FOXN1: variants seen among roughly 807,000 people sequenced by gnomAD.
The protein encoded by FOXN1 is forkhead box N1.
In FOXN1, 15 loss-of-function variants were observed where a neutral mutation model predicts 49.0. That is an observed-to-expected ratio of 0.31 (90% CI 0.20 to 0.47). The LOEUF (loss-of-function observed/expected upper bound fraction) is 0.47. FOXN1 is among the 20% of genes least tolerant of loss of function. The pLI is 1.00. For synonymous variants in FOXN1, 356 were observed against 369.0 expected, an observed-to-expected ratio of 0.96 and a Z score of 0.40; for missense variants, 800 against 842.8, an observed-to-expected ratio of 0.95 and a Z score of 0.63.
chr17:28,520,071 A>G (rs1567875263), intron 1 of FOXN1, among the ~76,000 whole-genome samples: 1 of 152,216 alleles, frequency 6.6e-6, no homozygotes. Context: ...AGAGGTAAGT[A>G]TTTATTAGTC....
intron 3 of FOXN1, 100 bp from the exon 4 acceptor site, chr17:28,527,151 G>T: frequency 2.6e-6 from 2 of 774,246 alleles, no homozygotes; most frequent in Non-Finnish European, 4.6e-6. Flanking sequence ...AGCTTTGGGG[G>T]AAGCAGAATA....
chr17:28,519,056 G>A (rs905151551), intron 1 of FOXN1, among the ~76,000 whole-genome samples: 5 of 152,352 alleles, frequency 3.3e-5, no homozygotes, highest in African/African-American at 7.2e-5. Flanking sequence ...CACTGGATAT[G>A]GAGTTGGGAA....
At chr17:28,532,611 A>AT (rs1306560758) in intron 6 of FOXN1, among the ~76,000 whole-genome samples, 1 of 152,182 alleles carries the variant, frequency 6.6e-6, no homozygotes, top group Admixed American at 6.5e-5. Flanking sequence ...TAGTTCAAAG[A>AT]TCCCCCACCT....
In FOXN1 at chr17:28,537,142, T is replaced by C. The variant is rs2070087038; in HGVS notation, c.1653T>C (p.Asp551=). Residue 551 remains aspartate (D), a synonymous_variant, in exon 9 of 9, where the codon GAT becomes GAC. Coordinates refer to ENST00000579795, the MANE Select transcript of FOXN1 (RefSeq NM_001369369.1). ...GAAACCTGTGGGAACAGTTGAAGGA[T>C]GATAGCTTGGCCCTCGACCCCCTGG... ...FQGNLWEQLK[D]DSLALDPLVL... 1 of 1,613,964 alleles carries C rather than the reference T, an allele frequency of 6.2e-7. No individual in the cohort carries two copies. Among genetic ancestry groups the C allele is most frequent in the African/African-American group, 1.3e-5 (1 of 74,896 alleles).
At chr17:28,516,048 C>A (rs1298916802) in intron 1 of FOXN1, among the ~76,000 whole-genome samples, 1 of 151,782 alleles carries the variant, frequency 6.6e-6, no homozygotes, top group Non-Finnish European at 1.5e-5. Context: ...GGATCCATAA[C>A]TCCACAGGAT....
rs1050315288 is a variant in FOXN1, at chr17:28,527,138, A to G, written c.589-113A>G. 6.7e-6 allele frequency: 5 copies of G among 744,598 alleles called. No individual in the cohort carries two copies. The African/African-American group carries it at 8.7e-5, about 13-fold the overall frequency. The allele number at this position is 744,598 out of a possible 1,614,324, so 46.1% of individuals were successfully genotyped here. On this transcript the variant is annotated intron_variant, in intron 3 of 8. Transcript: ENST00000579795. The stretch of plus-strand genomic sequence containing the variant: ...CTCTGTTCTCTGTTGTTCTCCAGGA[A>G]TAAGCTTTGGGGGAAGCAGAATAGG...
rs1225507678 is a variant in FOXN1, at chr17:28,534,286, C to T, written c.928-45C>T. The T allele has an allele frequency of 6.2e-7, 1 of 1,613,798 alleles. No homozygotes were observed. The highest frequency in any genetic ancestry group is 1.1e-5 in the South Asian group (1 of 91,044). On this transcript the variant is annotated intron_variant, in intron 6 of 8. Coordinates refer to ENST00000579795, the MANE Select transcript of FOXN1 (RefSeq NM_001369369.1). The surrounding 1 kb of genome is among the most constrained non-coding windows in gnomAD (Gnocchi z 4.1). ...AACCCAGACCTGAAGCCCGCTCTGG[C>T]TTCCTGAGCCTGGCCTGAATGCTTG...
chr17:28,518,837 G>A (rs371157152), intron 1 of FOXN1, among the ~76,000 whole-genome samples: 2 of 152,122 alleles, frequency 1.3e-5, no homozygotes, highest in East Asian at 1.9e-4. Context: ...GTAACCCTGC[G>A]CAGGTCATTT....
At chr17:28,525,079 G>C (rs2069737600) in intron 3 of FOXN1, 112 bp downstream of exon 3, 1 of 882,286 alleles carries the variant, frequency 1.1e-6, no homozygotes, top group Non-Finnish European at 1.8e-6. Flanking sequence ...TGCAGACCTT[G>C]CCACTCAAGA....
At chr17:28,530,256 C>G (rs1399588746) in intron 5 of FOXN1, among the ~76,000 whole-genome samples, 1 of 152,166 alleles carries the variant, frequency 6.6e-6, no homozygotes, top group Non-Finnish European at 1.5e-5. Context: ...GCAGTTCAGG[C>G]TGTTGGAAGG....
chr17:28,510,560 ACACACACACG>A (rs1422383780), intron 1 of FOXN1, among the ~76,000 whole-genome samples: 7 of 141,732 alleles, frequency 4.9e-5, no homozygotes, highest in South Asian at 2.2e-4. Flanking sequence ...GGAAGGACAC[ACACACACACG>A]CACACACACG....
chr17:28,524,144 A>G, intron 2 of FOXN1, 52 bp downstream of exon 2: 1 of 1,531,782 alleles, frequency 6.5e-7, no homozygotes, highest in Non-Finnish European at 8.8e-7. Flanking sequence ...GCGGCTGCCC[A>G]GGCAACAAGA....
At chr17:28,523,783 G>T (rs1196646936) in intron 1 of FOXN1, among the ~76,000 whole-genome samples, 173 bp from the exon 2 acceptor site, 1 of 134,308 alleles carries the variant, frequency 7.4e-6, no homozygotes, top group South Asian at 2.4e-4. Context: ...TCTCTCTCTC[G>T]CTCTCTGGTT....
At chr17:28,535,826 T>G (rs2070049967) in intron 8 of FOXN1, among the ~76,000 whole-genome samples, 1 of 152,210 alleles carries the variant, frequency 6.6e-6, no homozygotes, top group Non-Finnish European at 1.5e-5. Context: ...CGATTGTGAG[T>G]GACCAGTAGT....
Position 28,530,823 on chromosome 17 carries a change from C to G in FOXN1, c.905C>G (p.Thr302Arg), listed in dbSNP as rs200898611. 6.2e-7 allele frequency: 1 copy of G among 1,602,382 alleles called. No individual in the cohort carries two copies. Among genetic ancestry groups the G allele is most frequent in the Non-Finnish European group, 8.6e-7 (1 of 1,169,286 alleles). The part of the protein sequence containing the change: ...LPVSEIYNFM[T>R]EHFPYFKTAP... ...GTCAGCGAGATCTACAATTTTATGA[C>G]GGAGCACTTTCCTTACTTCAAGGTG... Residue 302 changes from threonine to arginine, a missense_variant, in exon 6 of 9, where the codon ACG becomes AGG. This residue lies in a region of FOXN1 where 73 missense variants were observed against 118.9 expected (regional missense o/e 0.61). Transcript: ENST00000579795.
chr17:28,536,037 G>T (rs570155855), intron 8 of FOXN1, among the ~76,000 whole-genome samples: 1 of 152,244 alleles, frequency 6.6e-6, no homozygotes, highest in South Asian at 2.1e-4. Context: ...ACCCATTCCC[G>T]TCTAAATTCC....
rs371402008 is a variant in FOXN1, at chr17:28,523,999, C to T, written c.30C>T (p.Asp10=). The change falls in exon 2 of 9, where the codon GAC becomes GAT. Residue 10 remains aspartate (D), a synonymous_variant. Coordinates refer to ENST00000579795, the MANE Select transcript of FOXN1 (RefSeq NM_001369369.1). The part of the protein sequence containing the change: MVSLPPPQS[D]VTLPGPTRLE... ...TGTCGCTACCCCCGCCGCAGTCTGA[C>T]GTCACGCTGCCGGGCCCCACCAGAC... 1.2e-5 allele frequency: 19 copies of T among 1,613,056 alleles called. No homozygotes were observed. Among genetic ancestry groups the T allele is most frequent in the Non-Finnish European group, 1.4e-5 (16 of 1,179,940 alleles).
intron 1 of FOXN1, among the ~76,000 whole-genome samples, chr17:28,510,331 C>T (rs1555606815): frequency 6.6e-6 from 1 of 151,824 alleles, no homozygotes; most frequent in Non-Finnish European, 1.5e-5. Context: ...CACAGAGATA[C>T]ATACATGCAC....
Position 28,529,184 on chromosome 17 carries a change from G to A in FOXN1, c.790G>A (p.Gly264Arg). ...AATGGCACCCCAGGCCAGCACCGATGGGCACCAGCCTCTCTTCCCAAAACC... is the reference window on the plus strand; with the variant it reads ...AATGGCACCCCAGGCCAGCACCGATAGGCACCAGCCTCTCTTCCCAAAACC... ...QRMAPQASTD[G>R]HQPLFPKPIY... is the part of the protein sequence containing the mutation. The change falls in exon 5 of 9, where the codon GGG becomes AGG. Residue 264 changes from glycine (G) to arginine (R), a missense_variant. Coordinates refer to ENST00000579795, the MANE Select transcript of FOXN1 (RefSeq NM_001369369.1). 1 of 1,614,148 alleles carries A rather than the reference G, an allele frequency of 6.2e-7. No homozygotes were observed. Among genetic ancestry groups the A allele is most frequent in the Non-Finnish European group, 8.5e-7 (1 of 1,180,002 alleles).
Sources: gnomAD v4.1 joint callset for allele counts (sites outside exome capture counted in the v4.1 genomes callset) on GRCh38, gnomAD v4.1.1 for gene constraint, gnomAD v4.1.1 regional missense constraint, Gnocchi (gnomAD v3.1) non-coding constraint, MANE v1.5 for transcripts, NCBI Gene and HGNC (gene_info 2026-07-23, HGNC 2026-07-21) for gene names.